The following TACC2 variants were observed in gnomAD, a reference collection of about 807,000 sequenced individuals.
TACC2 encodes transforming acidic coiled-coil-containing protein 2.
TACC2 carries 137 observed loss-of-function variants against 227.3 expected under a neutral mutation model. The observed-to-expected ratio is 0.60, with a 90% CI of 0.52 to 0.69. The LOEUF is 0.69. TACC2 is among the 30% of genes least tolerant of loss of function. The pLI, the probability that TACC2 is intolerant of heterozygous loss-of-function variation, is 0.00. For missense variants in TACC2, 3,470 were observed against 3,694.4 expected, an observed-to-expected ratio of 0.94 and a Z score of 1.57; for synonymous variants, 1,523 against 1,487.5, an observed-to-expected ratio of 1.02 and a Z score of -0.55.
In TACC2 at chr10:122,249,035, G is replaced by A. The variant is rs2096195027; in HGVS notation, c.8554-15G>A. 1 of 1,607,702 alleles carries A rather than the reference G, an allele frequency of 6.2e-7. No individual in the cohort carries two copies. The highest frequency in any genetic ancestry group is 2.2e-5 in the East Asian group (1 of 44,792). On this transcript the variant is annotated splice_polypyrimidine_tract_variant and intron_variant, in intron 20 of 22. Transcript: ENST00000369005. The stretch of plus-strand genomic sequence containing the variant: ...CTCGTGGGCTTGACGCCTGTCCTCT[G>A]CCCTGCTGTGTCAGAATGAAGAGGT...
At chr10:122,093,131 G>C (rs1397810736) in intron 5 of TACC2, among the ~76,000 whole-genome samples, 2 of 151,016 alleles carry the variant, frequency 1.3e-5, no homozygotes, top group Non-Finnish European at 2.9e-5. Context: ...GAAATGGTTG[G>C]AAAGGTATTT....
chr10:122,215,486 C>T (rs759999175), intron 10 of TACC2, 35 bp downstream of exon 10: 9 of 1,583,670 alleles, frequency 5.7e-6, no homozygotes, highest in Admixed American at 1.7e-5. Flanking sequence ...GGTTTTATGC[C>T]CCCCCCGGGG....
chr10:122,132,207 C>T (rs954520239), intron 5 of TACC2, among the ~76,000 whole-genome samples: 2 of 152,166 alleles, frequency 1.3e-5, no homozygotes, highest in African/African-American at 2.4e-5. Flanking sequence ...GAAACTGAGG[C>T]CCTGCTCAGG....
intron 5 of TACC2, among the ~76,000 whole-genome samples, chr10:122,099,508 C>T (rs1017253942): frequency 1.3e-5 from 2 of 152,200 alleles, no homozygotes; most frequent in African/African-American, 2.4e-5. Context: ...GGAGATAAAA[C>T]TCCAGTTTCA....
intron 1 of TACC2, among the ~76,000 whole-genome samples, chr10:122,015,524 CA>C (rs199874286): frequency 3.3e-5 from 5 of 151,360 alleles, no homozygotes; most frequent in South Asian, 4.2e-4. Context: ...AATAAAGAAA[CA>C]AAAAAACTCA....
intron 8 of TACC2, among the ~76,000 whole-genome samples, chr10:122,196,476 C>T (rs921398840): frequency 4.6e-5 from 7 of 151,838 alleles, no homozygotes; most frequent in African/African-American, 1.7e-4. Flanking sequence ...AGGATAGTGA[C>T]GGATATTTCT....
chr10:122,244,034 C>T (rs1363571701), intron 19 of TACC2, among the ~76,000 whole-genome samples: 1 of 152,192 alleles, frequency 6.6e-6, no homozygotes, highest in East Asian at 1.9e-4. Flanking sequence ...CCACGGTTTC[C>T]TCAAAGAATA....
chr10:122,129,028 G>T (rs950795246), intron 5 of TACC2, among the ~76,000 whole-genome samples: 1 of 149,880 alleles, frequency 6.7e-6, no homozygotes, highest in Non-Finnish European at 1.5e-5. Flanking sequence ...GGACATGTTT[G>T]CATCTAGATA....
intron 3 of TACC2, among the ~76,000 whole-genome samples, chr10:122,058,039 A>T (rs1427676357): frequency 3.9e-5 from 6 of 152,188 alleles, no homozygotes; most frequent in Admixed American, 1.3e-4. Flanking sequence ...ACTGACCAGC[A>T]TTCCTTCCAC....
In TACC2 at chr10:122,013,886, G is replaced by C. The variant is rs139586001; in HGVS notation, c.-45-8051G>C. ...TTGGGTAAATCATTTCCAACCTCTAGGCCTCAGCTTCCTCATCTGTAAAAA... is the reference window on the plus strand; with the variant it reads ...TTGGGTAAATCATTTCCAACCTCTACGCCTCAGCTTCCTCATCTGTAAAAA... On this transcript the variant is annotated intron_variant, in intron 1 of 22. Transcript: ENST00000369005. 2.6e-3 allele frequency among the ~76,000 whole-genome samples: 400 copies of C among 152,208 alleles called. 4 individuals are homozygous for C. Among genetic ancestry groups the C allele is most frequent in the African/African-American group, 9.3e-3 (387 of 41,542 alleles).
At chr10:122,048,629 A>G (rs72839678) in intron 2 of TACC2, among the ~76,000 whole-genome samples, 24,499 of 151,862 alleles carry the variant, frequency 0.16, 2,228 homozygotes, top group East Asian at 0.32. Flanking sequence ...AAGTGCTGGG[A>G]TTGCAGGCAT....
chr10:122,181,082 AAAC>A (rs200248507), intron 7 of TACC2, among the ~76,000 whole-genome samples: 18,668 of 152,242 alleles, frequency 0.12, 1,188 homozygotes, highest in South Asian at 0.16. Flanking sequence ...AGCCTAGAAC[AAAC>A]AATGCCAGCC....
intron 2 of TACC2, among the ~76,000 whole-genome samples, chr10:122,042,920 A>G (rs1387077073): frequency 6.6e-6 from 1 of 152,234 alleles, no homozygotes; most frequent in African/African-American, 2.4e-5. Context: ...AGTATAATCA[A>G]GTAAACATCA....
intron 5 of TACC2, among the ~76,000 whole-genome samples, chr10:122,121,501 C>T (rs1427741556): frequency 2.0e-5 from 3 of 152,206 alleles, no homozygotes; most frequent in African/African-American, 7.2e-5. Context: ...CTGCCCTATC[C>T]TACCTCTCCA....
At chr10:122,217,915 T>C (rs2095443963) in intron 11 of TACC2, among the ~76,000 whole-genome samples, 1 of 152,112 alleles carries the variant, frequency 6.6e-6, no homozygotes, top group African/African-American at 2.4e-5. Context: ...TGTGATGGTT[T>C]TGAGTTTTCC....
At chr10:122,169,876 G>A (rs1044101105) in intron 7 of TACC2, among the ~76,000 whole-genome samples, 5 of 151,064 alleles carry the variant, frequency 3.3e-5, no homozygotes, top group South Asian at 2.1e-4. Flanking sequence ...TCAGCCTCCC[G>A]AGTAGCTGGG....
At chr10:122,026,382 GT>G (rs1290033023) in intron 2 of TACC2, among the ~76,000 whole-genome samples, 2 of 146,680 alleles carry the variant, frequency 1.4e-5, no homozygotes, top group Non-Finnish European at 3.0e-5. Flanking sequence ...GCTCTTAGGG[GT>G]GCTGCTTTTG....
intron 1 of TACC2, among the ~76,000 whole-genome samples, chr10:122,011,760 G>T (rs745445753): frequency 4.6e-5 from 7 of 152,172 alleles, no homozygotes; most frequent in Non-Finnish European, 1.5e-5. Flanking sequence ...TCTTATTAAC[G>T]TTGGAACCAA....
chr10:122,072,963 A>G lies in TACC2; in HGVS notation c.147-9684A>G, dbSNP rs537759977. Among the ~76,000 whole-genome samples the G allele has an allele frequency of 2.0e-5, 3 of 151,748 alleles. No homozygotes were observed. The South Asian group carries it at 6.3e-4, about 32-fold the overall frequency. ...CCTGACTCTACTAAAAATACAAAAAATTAGCCAGGCGTGGTGGCGCGGGCC... is the reference window on the plus strand; with the variant it reads ...CCTGACTCTACTAAAAATACAAAAAGTTAGCCAGGCGTGGTGGCGCGGGCC... On this transcript the variant is annotated intron_variant, in intron 3 of 22. Transcript: ENST00000369005.
Sources: allele counts gnomAD v4.1 joint callset (sites outside exome capture counted in the v4.1 genomes callset), GRCh38; gene constraint gnomAD v4.1.1; transcripts MANE v1.5; gene names NCBI Gene and HGNC (gene_info 2026-07-23, HGNC 2026-07-21).